The following TDRD6 variants were observed in gnomAD, a reference collection of about 807,000 sequenced individuals.
The protein encoded by TDRD6 is tudor domain-containing protein 6.
TDRD6 carries 186 observed loss-of-function variants against 157.5 expected under a neutral mutation model. The observed-to-expected ratio is 1.18, with a 90% CI of 1.05 to 1.33. The LOEUF is 1.33. Ranked by LOEUF, TDRD6 falls within the 40% of genes most tolerant of loss-of-function variation. TDRD6 has a pLI of 0.00. For missense variants in TDRD6, 3,066 were observed against 2,508.0 expected (o/e 1.22, Z -4.75); for synonymous variants, 1,075 against 945.2 (o/e 1.14, Z -2.52).
Position 46,688,837 on chromosome 6 carries a change from C to A in TDRD6, c.709C>A (p.Pro237Thr), listed in dbSNP as rs201617201. The change falls in exon 1 of 4, where the codon CCT (proline) becomes ACT (threonine). Residue 237 changes from proline to threonine, a missense_variant. Pro to Thr is a conservative substitution (Grantham distance 38). Coordinates refer to ENST00000316081, the MANE Select transcript of TDRD6 (RefSeq NM_001010870.3). ...GCGAGTCCCGCTCAAGCAAAAGCAG[C>A]CTGGTCTGGATTACTTCTATCCCCA... ...LSRVPLKQKQ[P>T]GLDYFYPQLQ... The A allele has an allele frequency of 1.1e-4, 185 of 1,612,706 alleles. No individual in the cohort carries two copies. The highest frequency in any genetic ancestry group is 1.7e-6 in the Non-Finnish European group (2 of 1,179,658).
chr6:46,687,399 C>T, upstream of TDRD6, among the ~76,000 whole-genome samples: 1 of 152,174 alleles, frequency 6.6e-6, no homozygotes, highest in Non-Finnish European at 1.5e-5. Context: ...CTCATAACAA[C>T]TCTTATCAAT....
intron 1 of TDRD6, among the ~76,000 whole-genome samples, 171 bp from the exon 2 acceptor site, chr6:46,695,650 G>A (rs1351475446): frequency 2.0e-5 from 3 of 151,842 alleles, no homozygotes; most frequent in Admixed American, 6.6e-5. Context: ...ATGGGGGGGC[G>A]GGCACTGTAA....
At chr6:46,700,188 T>C (rs1267848151) in intron 3 of TDRD6, among the ~76,000 whole-genome samples, 1 of 152,162 alleles carries the variant, frequency 6.6e-6, no homozygotes. Context: ...GCCTGCTACA[T>C]AGAAAAGAAC....
rs1469370266 is a variant in TDRD6 at position 46,688,784 on chromosome 6, G to C, written c.656G>C (p.Ser219Thr). Residue 219 changes from serine to threonine, a missense_variant, in exon 1 of 4, where the codon AGC becomes ACC. Coordinates refer to ENST00000316081, the MANE Select transcript of TDRD6 (RefSeq NM_001010870.3). ...CGCTATCTCACAGCGGCCACTGCTA[G>C]CGTGGGCTCCGGGGTCCCGGTTCTC... ...LERYLTAATA[S>T]VGSGVPVLSR... is the part of the protein sequence containing the mutation. 1 of 1,609,492 alleles carries C rather than the reference G, an allele frequency of 6.2e-7. No homozygotes were observed. The highest frequency in any genetic ancestry group is 8.5e-7 in the Non-Finnish European group (1 of 1,179,928).
At chr6:46,701,226 A>G (rs1000353967) in intron 3 of TDRD6, among the ~76,000 whole-genome samples, 3 of 152,214 alleles carry the variant, frequency 2.0e-5, no homozygotes, top group Admixed American at 6.5e-5. Flanking sequence ...AAATATACTT[A>G]TGGAGATAAA....
At chr6:46,700,452 G>C (rs1052674922) in intron 3 of TDRD6, among the ~76,000 whole-genome samples, 5 of 151,850 alleles carry the variant, frequency 3.3e-5, no homozygotes, top group Non-Finnish European at 5.9e-5. Flanking sequence ...TTTTTTTAAT[G>C]ATACATCAAG....
Position 46,691,487 on chromosome 6 carries a change from T to A in TDRD6, c.3359T>A (p.Leu1120Ter). ...EVVVWFQETI[L>*]DKSLKALVVA... is the part of the protein sequence containing the mutation. Reference sequence around the variant, plus strand: ...GTGGTGTGGTTTCAGGAGACTATTTTAGATAAGTCATTGAAGGCTTTAGTT... The same window carrying A: ...GTGGTGTGGTTTCAGGAGACTATTTAAGATAAGTCATTGAAGGCTTTAGTT... The change falls in exon 1 of 4, where the codon TTA (leucine) becomes TAA (stop). Residue 1120 changes from leucine to a stop codon, truncating the protein, a stop_gained. Transcript: ENST00000316081. LOFTEE classifies it high-confidence loss of function. The A allele has an allele frequency of 6.2e-7, 1 of 1,614,090 alleles. No homozygotes were observed. Among genetic ancestry groups the A allele is most frequent in the Non-Finnish European group, 8.5e-7 (1 of 1,179,964 alleles).
chr6:46,687,996 G>A lies in TDRD6; in HGVS notation c.-133G>A. On this transcript the variant is annotated 5_prime_UTR_variant, in exon 1 of 4. Transcript: ENST00000316081. ...GGAGTTGCCGAGAAAAGGCCTCGCC[G>A]GCATTCTTCCCCTCCACTGGGTCCT... 16 of 1,323,768 alleles carry A rather than the reference G, an allele frequency of 1.2e-5. No homozygotes were observed. The highest frequency in any genetic ancestry group is 3.1e-5 in the East Asian group (1 of 32,672). 82.0% of individuals were successfully genotyped at this position (1,323,768 alleles called of 1,614,324 possible).
chr6:46,698,616 G>A (rs1224120870), intron 3 of TDRD6, among the ~76,000 whole-genome samples: 1 of 152,156 alleles, frequency 6.6e-6, no homozygotes, highest in African/African-American at 2.4e-5. Context: ...AGTTTATCCT[G>A]TTTGGGGTTG....
At chr6:46,697,921 T>A (rs2150684294) in intron 2 of TDRD6, 77 bp from the exon 3 acceptor site, 2 of 767,794 alleles carry the variant, frequency 2.6e-6, no homozygotes, top group East Asian at 5.2e-5. Flanking sequence ...ATTTCATTTT[T>A]AAAATAATTG....
Position 46,693,892 on chromosome 6 carries a change from C to CCTTTGTCTTTAGGAG in TDRD6, c.5765_5779dup (p.Gly1926_Val1927insAlaLeuSerLeuGly), listed in dbSNP as rs937169034. The stretch of plus-strand genomic sequence containing the variant: ...GCTGCCTTTAGATGACAAGATGGAT[C>CCTTTGTCTTTAGGAG]CTTTGTCTTTAGGAGTTAGTCAGAA... On this transcript the variant is annotated inframe_insertion, in exon 1 of 4. Transcript: ENST00000316081. The CCTTTGTCTTTAGGAG allele has an allele frequency of 3.1e-5, 50 of 1,614,026 alleles. No homozygotes were observed. The highest frequency in any genetic ancestry group is 4.1e-5 in the Non-Finnish European group (48 of 1,180,038).
In TDRD6 at chr6:46,687,894, A is replaced by G; in HGVS notation, c.-235A>G. On this transcript the variant is annotated 5_prime_UTR_variant, in exon 1 of 4. Transcript: ENST00000316081. Reference sequence around the variant, plus strand: ...CGAGTGAGGTAAATGCGTGCCCGGAAGCGCGACCTCGGGCGGTTGGAGGGG... The same window carrying G: ...CGAGTGAGGTAAATGCGTGCCCGGAGGCGCGACCTCGGGCGGTTGGAGGGG... 3.7e-6 allele frequency: 2 copies of G among 535,730 alleles called. No individual in the cohort carries two copies. Among genetic ancestry groups the G allele is most frequent in the Non-Finnish European group, 6.1e-6 (2 of 327,996 alleles). 33.2% of individuals were successfully genotyped at this position (535,730 alleles called of 1,614,324 possible).
Position 46,688,289 on chromosome 6 carries a change from C to T in TDRD6, c.161C>T (p.Ala54Val), listed in dbSNP as rs1262695962. The T allele has an allele frequency of 1.3e-6, 2 of 1,492,084 alleles. No homozygotes were observed. The highest frequency in any genetic ancestry group is 1.4e-5 in the African/African-American group (1 of 69,306). 92.4% of individuals were successfully genotyped at this position (1,492,084 alleles called of 1,614,324 possible). ...CTGAGCCGGGAAATCCAGGAAGCGG[C>T]GGCCACGCGCGGCCAGTGGGCGCTG... The part of the protein sequence containing the change: ...LRLSREIQEA[A>V]ATRGQWALGS... The change falls in exon 1 of 4, where the codon GCG becomes GTG. Residue 54 changes from alanine to valine, a missense_variant. Transcript: ENST00000316081.
chr6:46,691,773 T>C lies in TDRD6; in HGVS notation c.3645T>C (p.Pro1215=). 1 of 1,596,152 alleles carries C rather than the reference T, an allele frequency of 6.3e-7. No homozygotes were observed. The highest frequency in any genetic ancestry group is 8.5e-7 in the Non-Finnish European group (1 of 1,175,638). The part of the protein sequence containing the change: ...NKEILEESYK[P]QINSSYKELK... The stretch of plus-strand genomic sequence containing the variant: ...AAATTTTGGAAGAGTCATATAAACC[T>C]CAGATCAACTCATCATACAAGGAAC... Residue 1215 remains proline, a synonymous_variant, in exon 1 of 4, where the codon CCT becomes CCC. Transcript: ENST00000316081.
In TDRD6 at chr6:46,702,042, G is replaced by T; in HGVS notation, c.*155G>T. 1.4e-6 allele frequency: 1 copy of T among 719,050 alleles called. No homozygotes were observed. The highest frequency in any genetic ancestry group is 2.0e-5 in the South Asian group (1 of 49,786). 44.5% of individuals were successfully genotyped at this position (719,050 alleles called of 1,614,324 possible). The stretch of plus-strand genomic sequence containing the variant: ...TCTATATAGGTGGAAAACAAATTAG[G>T]TCTCAGGTTGATGGTGGGGTGTGTT... On this transcript the variant is annotated 3_prime_UTR_variant, in exon 4 of 4. Coordinates refer to ENST00000316081, the MANE Select transcript of TDRD6 (RefSeq NM_001010870.3).
intron 2 of TDRD6, 37 bp downstream of exon 2, chr6:46,695,982 T>C (rs1764484375): frequency 6.3e-7 from 1 of 1,594,384 alleles, no homozygotes; most frequent in South Asian, 1.1e-5. Context: ...CCAAATGTAT[T>C]TGCAGACTAT....
Position 46,696,543 on chromosome 6 carries a change from A to G in TDRD6, c.6171+598A>G, listed in dbSNP as rs13211395. ...TATGTGTGTATATATGTGTATATAT[A>G]TGTATATATGTGTGTGTGTGTGTGT... On this transcript the variant is annotated intron_variant, in intron 2 of 3. Transcript: ENST00000316081. Among the ~76,000 whole-genome samples the G allele has an allele frequency of 2.7e-4, 28 of 101,932 alleles. No homozygotes were observed. In the East Asian group the frequency reaches 7.4e-3, roughly 27 times the overall value. 66.9% of individuals were successfully genotyped at this position (101,932 alleles called of 152,430 possible).
Position 46,690,954 on chromosome 6 carries a change from C to T in TDRD6, c.2826C>T (p.Thr942=). The stretch of plus-strand genomic sequence containing the variant: ...TGTTTAACATTGTGGATTTGCTAAC[C>T]CCCTTTCAGAGTGCATGCCATTTCT... The part of the protein sequence containing the change: ...EELFNIVDLL[T]PFQSACHFLV... Residue 942 remains threonine (T), a synonymous_variant, in exon 1 of 4, where the codon ACC becomes ACT. Coordinates refer to ENST00000316081, the MANE Select transcript of TDRD6 (RefSeq NM_001010870.3). The T allele has an allele frequency of 2.5e-6, 4 of 1,614,078 alleles. 1 individual carries two copies. In the South Asian group the frequency reaches 4.4e-5, roughly 18 times the overall value.
At chr6:46,687,731 G>T (rs748037136), upstream of TDRD6, 1 of 182,864 alleles carries the variant, frequency 5.5e-6, no homozygotes, top group Non-Finnish European at 1.1e-5. Context: ...GCGCTCTGAG[G>T]AGATGCAGGT....
Sources: allele counts gnomAD v4.1 joint callset (sites outside exome capture counted in the v4.1 genomes callset), GRCh38; gene constraint gnomAD v4.1.1; transcripts MANE v1.5; gene names NCBI Gene and HGNC (gene_info 2026-07-23, HGNC 2026-07-21).